CTBP2: variants seen among roughly 807,000 people sequenced by gnomAD.
CTBP2 encodes C-terminal-binding protein 2.
In CTBP2, 30 loss-of-function variants were observed where a neutral mutation model predicts 80.3. The ratio of observed to expected loss-of-function variants is 0.37; its 90% confidence interval spans 0.28 to 0.51. The LOEUF (loss-of-function observed/expected upper bound fraction) is 0.51, where lower values mean the gene tolerates loss of function less well. Ranked by LOEUF, CTBP2 falls within the 20% of genes least tolerant of loss-of-function variation. The probability of loss-of-function intolerance (pLI) is 0.93; values close to 1 mark genes in which losing one functional copy is unlikely to be tolerated. For synonymous variants in CTBP2, 594 were observed against 587.4 expected, an observed-to-expected ratio of 1.01 and a Z score of -0.16; for missense variants, 1,212 against 1,375.3, an observed-to-expected ratio of 0.88 and a Z score of 1.88.
At chr10:125,044,562 G>A (rs1323429315) in intron 2 of CTBP2, among the ~76,000 whole-genome samples, 1 of 152,242 alleles carries the variant, frequency 6.6e-6, no homozygotes, top group Admixed American at 6.5e-5. Context: ...TTCTGAACGG[G>A]TGATGAGCAT....
chr10:125,157,467 C>A (rs993529646), intron 1 of CTBP2, among the ~76,000 whole-genome samples: 1 of 151,826 alleles, frequency 6.6e-6, no homozygotes, highest in Admixed American at 6.6e-5. Context: ...GAATTAAACC[C>A]AAACCACCTA....
At chr10:125,005,553 A>C (rs1263989387) in intron 1 of CTBP2, 1 of 1,610,170 alleles carries the variant, frequency 6.2e-7, no homozygotes, top group African/African-American at 1.3e-5. Flanking sequence ...TCACCAGCCC[A>C]CGACCTGTAT....
At chr10:125,049,852 A>G (rs1962286436) in intron 2 of CTBP2, among the ~76,000 whole-genome samples, 1 of 152,166 alleles carries the variant, frequency 6.6e-6, no homozygotes, top group Admixed American at 6.5e-5. Context: ...GAGTCAAACC[A>G]AATCAAGACT....
chr10:125,053,362 C>T (rs938594981), intron 2 of CTBP2, among the ~76,000 whole-genome samples: 1 of 152,196 alleles, frequency 6.6e-6, no homozygotes, highest in Admixed American at 6.5e-5. Context: ...CACTGCCCGC[C>T]GAACAGAGAG....
intron 2 of CTBP2, among the ~76,000 whole-genome samples, chr10:125,041,831 T>C (rs959906284): frequency 2.6e-4 from 39 of 152,042 alleles, no homozygotes; most frequent in Non-Finnish European, 5.1e-4. Context: ...ATTTGTATAA[T>C]TAGATGGCTT....
At chr10:125,159,472 C>A (rs1322149162) in intron 1 of CTBP2, among the ~76,000 whole-genome samples, 2 of 146,088 alleles carry the variant, frequency 1.4e-5, no homozygotes, top group Non-Finnish European at 3.0e-5. Context: ...GCGACTTTGG[C>A]GGGCCGAGCC....
chr10:125,037,750 G>A (rs1020757862), intron 3 of CTBP2, among the ~76,000 whole-genome samples: 27 of 152,166 alleles, frequency 1.8e-4, no homozygotes, highest in Admixed American at 3.3e-4. Context: ...GGTTCATTCC[G>A]GTACTGGGAG....
chr10:125,015,607 C>T (rs765034184), intron 1 of CTBP2, among the ~76,000 whole-genome samples: 21 of 152,304 alleles, frequency 1.4e-4, no homozygotes, highest in Non-Finnish European at 1.5e-4. Flanking sequence ...CCCTCTGGCT[C>T]GAGGCTGAGG....
intron 2 of CTBP2, among the ~76,000 whole-genome samples, chr10:125,093,475 C>T (rs1849086844): frequency 1.3e-5 from 2 of 152,172 alleles, no homozygotes; most frequent in Admixed American, 6.5e-5. Flanking sequence ...TTAAAATGAT[C>T]GTATGATACA....
intron 1 of CTBP2, among the ~76,000 whole-genome samples, chr10:125,158,160 T>TA (rs201541277): frequency 2.5e-4 from 37 of 150,122 alleles, no homozygotes; most frequent in African/African-American, 5.6e-4. Flanking sequence ...GATTTATATT[T>TA]AAAAAAAAAG....
chr10:125,061,325 G>A (rs1281444530), intron 2 of CTBP2, among the ~76,000 whole-genome samples: 1 of 152,188 alleles, frequency 6.6e-6, no homozygotes, highest in East Asian at 1.9e-4. Flanking sequence ...CTCTGGTTCA[G>A]GGGAAAGCTC....
At chr10:125,056,869 T>A (rs904564659) in intron 2 of CTBP2, among the ~76,000 whole-genome samples, 1 of 152,202 alleles carries the variant, frequency 6.6e-6, no homozygotes, top group East Asian at 1.9e-4. Flanking sequence ...CAGTGCTTGA[T>A]GAGCTGTGTG....
In CTBP2 at chr10:124,988,669, TGAAGAAAA is replaced by T. The variant is rs1200636274; in HGVS notation, c.*841_*848del. The T allele has an allele frequency of 1.6e-5, 2 of 128,260 alleles. No individual in the cohort carries two copies. The highest frequency in any genetic ancestry group is 3.6e-3 in the Middle Eastern group (1 of 278). The allele number at this position is 128,260 out of a possible 1,614,324, so 7.9% of individuals were successfully genotyped here. A position where few individuals can be genotyped will look rare whatever the true frequency, so the allele number is the denominator to read the frequency against. ...AAGTGTTCTTGTATAAAATATCACG[TGAAGAAAA>T]GAAGACTTTATCAATGTCTAAAAAA... On this transcript the variant is annotated 3_prime_UTR_variant, in exon 9 of 9. Transcript: ENST00000309035.
chr10:124,998,555 T>A (rs573534404), intron 3 of CTBP2: 50 of 298,718 alleles, frequency 1.7e-4, no homozygotes, highest in Non-Finnish European at 2.9e-4. Context: ...CCACTCAGCC[T>A]CAAACCCCTC....
At chr10:125,013,728 T>C (rs1363918294) in intron 1 of CTBP2, among the ~76,000 whole-genome samples, 1 of 152,276 alleles carries the variant, frequency 6.6e-6, no homozygotes, top group African/African-American at 2.4e-5. Context: ...AAGTAAGTGA[T>C]GGAGTCAGGA....
chr10:125,014,576 G>A (rs530537008), intron 1 of CTBP2, among the ~76,000 whole-genome samples: 138 of 152,374 alleles, frequency 9.1e-4, no homozygotes, highest in Non-Finnish European at 1.4e-3. Flanking sequence ...CCTTCCTTAC[G>A]GGGAGCAACC....
rs759074684 is a variant in CTBP2 at position 124,993,188 on chromosome 10, A to G, written c.2659+14T>C. The G allele has an allele frequency of 6.3e-7, 1 of 1,588,148 alleles. No homozygotes were observed. The highest frequency in any genetic ancestry group is 8.6e-7 in the Non-Finnish European group (1 of 1,160,382). On this transcript the variant is annotated intron_variant, in intron 7 of 8. Coordinates refer to ENST00000309035, the MANE Select transcript of CTBP2 (RefSeq NM_022802.3). ...AGGCTGCCCTTGGCAGGCCAGAGGCACGGAGGGGCTCACCTGTGATGGCTC... is the reference window on the plus strand; with the variant it reads ...AGGCTGCCCTTGGCAGGCCAGAGGCGCGGAGGGGCTCACCTGTGATGGCTC...
At chr10:125,006,908 C>T (rs535641697) in intron 1 of CTBP2, among the ~76,000 whole-genome samples, 16 of 152,326 alleles carry the variant, frequency 1.1e-4, no homozygotes, top group Admixed American at 8.5e-4. Context: ...GCACAGCTGA[C>T]GGCCTTTTCC....
intron 2 of CTBP2, among the ~76,000 whole-genome samples, chr10:125,053,537 C>T (rs1289326242): frequency 6.6e-6 from 1 of 152,160 alleles, no homozygotes; most frequent in Admixed American, 6.5e-5. Flanking sequence ...GCTCAGCCTG[C>T]TCCACTCCCA....
Sources: allele counts gnomAD v4.1 joint callset (sites outside exome capture counted in the v4.1 genomes callset), GRCh38; gene constraint gnomAD v4.1.1; transcripts MANE v1.5; gene names NCBI Gene and HGNC (gene_info 2026-07-23, HGNC 2026-07-21).